Variants in ACTN2 observed in about 807,000 individuals in gnomAD.
ACTN2 encodes alpha-actinin-2.
In ACTN2, 39 loss-of-function variants were observed where a neutral mutation model predicts 113.8. That is an observed-to-expected ratio of 0.34 (90% CI 0.27 to 0.45). The LOEUF (loss-of-function observed/expected upper bound fraction) is 0.45, where lower values mean the gene tolerates loss of function less well. Ranked by LOEUF, ACTN2 falls within the 20% of genes least tolerant of loss-of-function variation. The pLI is 1.00. For missense variants in ACTN2, 992 were observed against 1,177.9 expected, an observed-to-expected ratio of 0.84 and a Z score of 2.31; for synonymous variants, 429 against 444.1, an observed-to-expected ratio of 0.97 and a Z score of 0.43.
Position 236,763,020 on chromosome 1 carries a change from C to G in ACTN2, c.*401C>G. ...CCACAAATTGGTAAATAAAGGTTTG[C>G]TATTTGTAAAAAATTTCATTTATCT... On this transcript the variant is annotated 3_prime_UTR_variant, in exon 21 of 21. Coordinates refer to ENST00000366578, the MANE Select transcript of ACTN2 (RefSeq NM_001103.4). 1 of 313,142 alleles carries G rather than the reference C, an allele frequency of 3.2e-6. No homozygotes were observed. The highest frequency in any genetic ancestry group is 6.2e-6 in the Non-Finnish European group (1 of 161,486). 19.4% of individuals were successfully genotyped at this position (313,142 alleles called of 1,614,324 possible).
At chr1:236,688,055 T>A (rs1157692029) in intron 1 of ACTN2, among the ~76,000 whole-genome samples, 1 of 152,202 alleles carries the variant, frequency 6.6e-6, no homozygotes, top group Non-Finnish European at 1.5e-5. Flanking sequence ...TCAAGCCGTC[T>A]ACTATTGTTT....
intron 7 of ACTN2, among the ~76,000 whole-genome samples, chr1:236,735,246 C>G (rs893215291): frequency 6.6e-6 from 1 of 152,148 alleles, no homozygotes; most frequent in Non-Finnish European, 1.5e-5. Flanking sequence ...AAGTGACCTG[C>G]GTTCCCCAGA....
chr1:236,693,177 G>GCGCACA (rs1355436088), intron 1 of ACTN2, among the ~76,000 whole-genome samples: 1 of 149,038 alleles, frequency 6.7e-6, no homozygotes, highest in Non-Finnish European at 1.5e-5. Flanking sequence ...CTGCACACAT[G>GCGCACA]CACACACACA....
chr1:236,686,828 C>T (rs1047184412), intron 1 of ACTN2, 29 bp downstream of exon 1: 5 of 1,441,124 alleles, frequency 3.5e-6, no homozygotes, highest in African/African-American at 2.9e-5. Flanking sequence ...GCCGCCCGCG[C>T]GTGGTGGGGC....
chr1:236,735,497 C>CG, intron 7 of ACTN2, 138 bp from the exon 8 acceptor site: 1 of 771,322 alleles, frequency 1.3e-6, no homozygotes. Context: ...TTCGGGACCA[C>CG]GGGCCCATGA....
At chr1:236,737,846 C>T (rs532980469) in intron 9 of ACTN2, among the ~76,000 whole-genome samples, 11 of 152,290 alleles carry the variant, frequency 7.2e-5, no homozygotes, top group South Asian at 4.2e-4. Flanking sequence ...TTATAGCATA[C>T]GTAGCGACTA....
chr1:236,700,330 G>GCC (rs1657636242), intron 1 of ACTN2, among the ~76,000 whole-genome samples: 1 of 152,104 alleles, frequency 6.6e-6, no homozygotes, highest in Admixed American at 6.6e-5. Context: ...TTACAGGCAT[G>GCC]CACCACCACA....
At chr1:236,737,083 G>T in intron 8 of ACTN2, 39 bp from the exon 9 acceptor site, 2 of 1,554,116 alleles carry the variant, frequency 1.3e-6, no homozygotes, top group Non-Finnish European at 1.8e-6. Flanking sequence ...GCGCATTCCC[G>T]TCGACAGAGC....
chr1:236,762,315 T>G (rs1345929960), intron 20 of ACTN2, 146 bp from the exon 21 acceptor site: 1 of 1,101,652 alleles, frequency 9.1e-7, no homozygotes, highest in Non-Finnish European at 1.3e-6. Flanking sequence ...TTTCTGTTGG[T>G]TGTCTGGTAC....
At chr1:236,728,301 G>A (rs1313424878) in intron 6 of ACTN2, among the ~76,000 whole-genome samples, 2 of 152,124 alleles carry the variant, frequency 1.3e-5, no homozygotes, top group South Asian at 2.1e-4. Context: ...CCGCCACCAC[G>A]CCTGGATAAT....
At chr1:236,692,469 G>T (rs1193928693) in intron 1 of ACTN2, among the ~76,000 whole-genome samples, 1 of 152,274 alleles carries the variant, frequency 6.6e-6, no homozygotes, top group African/African-American at 2.4e-5. Context: ...TGGCAAATCC[G>T]GTGTCCATGT....
chr1:236,705,026 A>G (rs1274675517), intron 1 of ACTN2, among the ~76,000 whole-genome samples: 4 of 152,182 alleles, frequency 2.6e-5, no homozygotes, highest in African/African-American at 9.7e-5. Context: ...AGGTCAGATC[A>G]TTGCTTTACG....
intron 8 of ACTN2, among the ~76,000 whole-genome samples, chr1:236,736,848 C>T (rs1474051960): frequency 6.6e-6 from 1 of 152,096 alleles, no homozygotes; most frequent in Non-Finnish European, 1.5e-5. Context: ...TGGATGTTTA[C>T]CGAGTTTGTG....
intron 6 of ACTN2, among the ~76,000 whole-genome samples, chr1:236,729,598 C>T (rs895022615): frequency 6.6e-6 from 1 of 152,150 alleles, no homozygotes; most frequent in Admixed American, 6.5e-5. Flanking sequence ...CCCCAGCCTG[C>T]CTCCATGGCA....
chr1:236,691,176 C>T (rs898848080), intron 1 of ACTN2, among the ~76,000 whole-genome samples: 13 of 151,824 alleles, frequency 8.6e-5, no homozygotes, highest in African/African-American at 3.1e-4. Context: ...ATCTCCTGAC[C>T]TTGTGATCTG....
intron 1 of ACTN2, among the ~76,000 whole-genome samples, chr1:236,711,290 CTG>C (rs1250524425): frequency 6.6e-6 from 1 of 152,210 alleles, no homozygotes; most frequent in African/African-American, 2.4e-5. Context: ...CTGTTGAACA[CTG>C]TTTTCCTTAG....
chr1:236,745,091 G>A (rs1377667548), intron 12 of ACTN2, among the ~76,000 whole-genome samples: 2 of 152,168 alleles, frequency 1.3e-5, no homozygotes, highest in Non-Finnish European at 2.9e-5. Flanking sequence ...CAGGCCAGGT[G>A]CAAGAAGCAG....
In ACTN2 at chr1:236,720,207, A is replaced by G; in HGVS notation, c.448+16A>G. 1 of 1,583,756 alleles carries G rather than the reference A, an allele frequency of 6.3e-7. No homozygotes were observed. The highest frequency in any genetic ancestry group is 1.1e-5 in the South Asian group (1 of 90,424). ...TCGGTTGAAGGTAAAAGACATGGTT[A>G]AAAGTCTAATTGTATAATCTGTAAA... On this transcript the variant is annotated intron_variant, in intron 4 of 20. Coordinates refer to ENST00000366578, the MANE Select transcript of ACTN2 (RefSeq NM_001103.4).
intron 15 of ACTN2, 169 bp from the exon 16 acceptor site, chr1:236,753,778 C>G: frequency 2.4e-6 from 2 of 824,122 alleles, no homozygotes; most frequent in East Asian, 2.4e-5. Context: ...AGTCCCTAGA[C>G]TAGGGACTCC....
Sources: gnomAD v4.1 joint callset for allele counts (sites outside exome capture counted in the v4.1 genomes callset) on GRCh38, gnomAD v4.1.1 for gene constraint, MANE v1.5 for transcripts, NCBI Gene and HGNC (gene_info 2026-07-23, HGNC 2026-07-21) for gene names.